Variants in CAMKMT observed in about 807,000 individuals in gnomAD.
The protein encoded by CAMKMT is CaM KMT.
In CAMKMT, 53 loss-of-function variants were observed where a neutral mutation model predicts 48.0. That is an observed-to-expected ratio of 1.10 (90% CI 0.89 to 1.39). CAMKMT has a LOEUF of 1.39. Among genes scored for constraint, CAMKMT ranks in the 40% most tolerant of loss-of-function variants. The probability of loss-of-function intolerance (pLI) is 0.00; values close to 1 mark genes in which losing one functional copy is unlikely to be tolerated. For missense variants in CAMKMT, 428 were observed against 402.7 expected, an observed-to-expected ratio of 1.06 and a Z score of -0.54; for synonymous variants, 165 against 152.3, an observed-to-expected ratio of 1.08 and a Z score of -0.61.
chr2:44,644,717 G>A (rs947530013), intron 3 of CAMKMT, among the ~76,000 whole-genome samples: 1 of 152,120 alleles, frequency 6.6e-6, no homozygotes, highest in African/African-American at 2.4e-5. Context: ...GTTCACTGGT[G>A]TCATTTTTTA....
At chr2:44,586,498 A>T (rs1331869053) in intron 3 of CAMKMT, among the ~76,000 whole-genome samples, 1 of 152,134 alleles carries the variant, frequency 6.6e-6, no homozygotes, top group Admixed American at 6.5e-5. Context: ...TTCATTTTCT[A>T]GCATTTATGT....
chr2:44,716,776 A>G (rs1678196659), intron 7 of CAMKMT, among the ~76,000 whole-genome samples: 1 of 152,088 alleles, frequency 6.6e-6, no homozygotes, highest in African/African-American at 2.4e-5. Flanking sequence ...TGCATTTTCT[A>G]TGTTGTCCTC....
chr2:44,745,797 G>A (rs936613106), intron 8 of CAMKMT, among the ~76,000 whole-genome samples: 1 of 152,144 alleles, frequency 6.6e-6, no homozygotes, highest in African/African-American at 2.4e-5. Context: ...ATATTCGCGG[G>A]GATGGGTAAG....
chr2:44,767,328 C>A (rs551461988), intron 10 of CAMKMT, among the ~76,000 whole-genome samples: 3 of 152,218 alleles, frequency 2.0e-5, no homozygotes, highest in South Asian at 4.2e-4. Context: ...CTGACCTTGG[C>A]AAGAGACTTT....
At position 44,692,528 on chromosome 2, in the gene CAMKMT, T is replaced by C. The variant is rs192467962; in HGVS notation, c.377-11755T>C. Among the ~76,000 whole-genome samples the C allele has an allele frequency of 2.6e-3, 393 of 152,342 alleles. 3 individuals are homozygous for C. The highest frequency in any genetic ancestry group is 8.7e-3 in the African/African-American group (362 of 41,586). On this transcript the variant is annotated intron_variant, in intron 3 of 10. Coordinates refer to ENST00000378494, the MANE Select transcript of CAMKMT (RefSeq NM_024766.5). Reference sequence around the variant, plus strand: ...CTTGTGTCTATTTTCCCTATGAAAGTTATTTAGGCAAAGGCCTTGTTTTAA... The same window carrying C: ...CTTGTGTCTATTTTCCCTATGAAAGCTATTTAGGCAAAGGCCTTGTTTTAA...
chr2:44,732,386 G>A (rs1679123563), intron 7 of CAMKMT, among the ~76,000 whole-genome samples: 1 of 152,216 alleles, frequency 6.6e-6, no homozygotes, highest in African/African-American at 2.4e-5. Flanking sequence ...GAAATAAAAT[G>A]GAGAGAATAT....
At chr2:44,464,982 AT>A (rs1169470443) in intron 3 of CAMKMT, among the ~76,000 whole-genome samples, 3 of 152,218 alleles carry the variant, frequency 2.0e-5, no homozygotes, top group Non-Finnish European at 4.4e-5. Flanking sequence ...TTCCAAAGTG[AT>A]TCCAATTTAA....
chr2:44,608,070 CT>C lies in CAMKMT; in HGVS notation c.377-96193del, dbSNP rs10587945. Reference sequence around the variant, plus strand: ...CAATAGATATTTAAAATATATTTTCCTTTTTTTTTTTTTTTTTTTTGAGACG... The same window carrying C: ...CAATAGATATTTAAAATATATTTTCCTTTTTTTTTTTTTTTTTTTGAGACG... On this transcript the variant is annotated intron_variant, in intron 3 of 10. Coordinates refer to ENST00000378494, the MANE Select transcript of CAMKMT (RefSeq NM_024766.5). Among the ~76,000 whole-genome samples, 993 of 111,812 alleles carry C rather than the reference CT, an allele frequency of 8.9e-3. 3 individuals carry two copies. Among genetic ancestry groups the C allele is most frequent in the Middle Eastern group, 0.028 (5 of 176 alleles). The allele number at this position is 111,812 out of a possible 152,430, so 73.4% of individuals were successfully genotyped here.
chr2:44,536,875 C>G (rs1352592659), intron 3 of CAMKMT, among the ~76,000 whole-genome samples: 1 of 152,124 alleles, frequency 6.6e-6, no homozygotes, highest in African/African-American at 2.4e-5. Flanking sequence ...TTACAGCCAA[C>G]TGATTTTTGA....
chr2:44,713,990 T>G (rs954116963), intron 6 of CAMKMT, among the ~76,000 whole-genome samples: 1 of 152,206 alleles, frequency 6.6e-6, no homozygotes, highest in African/African-American at 2.4e-5. Context: ...TTTTATTTCT[T>G]GTTTATGTAA....
At chr2:44,766,401 A>G in intron 9 of CAMKMT, 29 bp from the exon 10 acceptor site, 1 of 1,612,952 alleles carries the variant, frequency 6.2e-7, no homozygotes, top group Admixed American at 1.7e-5. Context: ...CAGTTTTAAA[A>G]TATGTGAATT....
In CAMKMT at chr2:44,696,276, C is replaced by T. The variant is rs532161550; in HGVS notation, c.377-8007C>T. Among the ~76,000 whole-genome samples the T allele has an allele frequency of 4.6e-5, 7 of 152,268 alleles. No individual in the cohort carries two copies. In the East Asian group the frequency reaches 1.4e-3, roughly 29 times the overall value. ...TTAAAAACATTATAGCAAATATTTA[C>T]ATAGCACTTATATTGGATATGCATG... is the stretch of plus-strand genomic sequence containing the variant. On this transcript the variant is annotated intron_variant, in intron 3 of 10. Coordinates refer to ENST00000378494, the MANE Select transcript of CAMKMT (RefSeq NM_024766.5).
At chr2:44,681,730 GT>G (rs1241990370) in intron 3 of CAMKMT, among the ~76,000 whole-genome samples, 9 of 152,272 alleles carry the variant, frequency 5.9e-5, no homozygotes, top group Admixed American at 4.6e-4. Flanking sequence ...AGCCCTAAAT[GT>G]TGGCCCTTTG....
intron 3 of CAMKMT, among the ~76,000 whole-genome samples, chr2:44,698,768 A>G (rs1311578888): frequency 6.6e-6 from 1 of 152,254 alleles, no homozygotes; most frequent in Non-Finnish European, 1.5e-5. Flanking sequence ...CTTTCAGGAA[A>G]GATTTCGCTG....
chr2:44,372,734 CT>C lies in CAMKMT; in HGVS notation c.158del (p.Leu53ArgfsTer10), dbSNP rs1558546416. 6.2e-7 allele frequency: 1 copy of C among 1,612,482 alleles called. No homozygotes were observed. Among genetic ancestry groups the C allele is most frequent in the African/African-American group, 1.3e-5 (1 of 74,764 alleles). The part of the protein sequence containing the change: ...LLRQVLKQKH[L>X]DDCLRHVSVR... ...TTCAAAGGTTCTGAAGCAAAAACACCTGGATGATTGCCTGCGACATGTATCT... is the reference window on the plus strand; with the variant it reads ...TTCAAAGGTTCTGAAGCAAAAACACCGGATGATTGCCTGCGACATGTATCT... On this transcript the variant is annotated frameshift_variant, in exon 2 of 11. Coordinates refer to ENST00000378494, the MANE Select transcript of CAMKMT (RefSeq NM_024766.5). LOFTEE classifies it high-confidence loss of function.
intron 2 of CAMKMT, among the ~76,000 whole-genome samples, chr2:44,389,690 T>C (rs192947923): frequency 4.0e-4 from 61 of 152,324 alleles, no homozygotes; most frequent in African/African-American, 1.5e-3. Flanking sequence ...AAAGAGTTGT[T>C]AACTGAAGCG....
chr2:44,536,552 T>C (rs1478128234), intron 3 of CAMKMT, among the ~76,000 whole-genome samples: 1 of 152,012 alleles, frequency 6.6e-6, no homozygotes, highest in East Asian at 1.9e-4. Context: ...GGTTTCATAC[T>C]CCTGACCTCA....
chr2:44,637,885 T>G (rs1253606915), intron 3 of CAMKMT, among the ~76,000 whole-genome samples: 1 of 151,490 alleles, frequency 6.6e-6, no homozygotes, highest in Non-Finnish European at 1.5e-5. Context: ...GCCAACATGG[T>G]GAAACCCCAT....
At chr2:44,693,502 C>G (rs1400362385) in intron 3 of CAMKMT, among the ~76,000 whole-genome samples, 1 of 152,196 alleles carries the variant, frequency 6.6e-6, no homozygotes, top group Non-Finnish European at 1.5e-5. Context: ...TCCACTTTGT[C>G]CTCCTCTTCC....
Sources: allele counts gnomAD v4.1 joint callset (sites outside exome capture counted in the v4.1 genomes callset), GRCh38; gene constraint gnomAD v4.1.1; transcripts MANE v1.5; gene names NCBI Gene and HGNC (gene_info 2026-07-23, HGNC 2026-07-21).